The following KIR3DL2 variants were observed in gnomAD, a reference collection of about 807,000 sequenced individuals.
KIR3DL2 encodes killer cell immunoglobulin like receptor, three Ig domains and long cytoplasmic tail 2.
KIR3DL2 carries 42 observed loss-of-function variants against 41.6 expected under a neutral mutation model. The observed-to-expected ratio is 1.01, with a 90% CI of 0.79 to 1.31. The LOEUF (loss-of-function observed/expected upper bound fraction) is 1.31. Among genes scored for constraint, KIR3DL2 ranks in the 50% most tolerant of loss-of-function variants. KIR3DL2 has a pLI of 0.00. For synonymous variants in KIR3DL2, 230 were observed against 221.3 expected, an observed-to-expected ratio of 1.04 and a Z score of -0.35; for missense variants, 728 against 576.8, an observed-to-expected ratio of 1.26 and a Z score of -2.68.
At chr19:54,851,383 C>A in intron 2 of KIR3DL2, 128 bp downstream of exon 2, 1 of 985,596 alleles carries the variant, frequency 1.0e-6, no homozygotes, top group Non-Finnish European at 1.5e-6. Context: ...ACTCGGCCCA[C>A]ATTTCTGACC....
rs1443579749 is a variant in KIR3DL2, at chr19:54,852,171, A to G, written c.244A>G (p.Met82Val). Residue 82 changes from methionine (M) to valine (V), a missense_variant, in exon 3 of 9, where the codon ATG becomes GTG. Coordinates refer to ENST00000326321, the MANE Select transcript of KIR3DL2 (RefSeq NM_006737.4). The part of the protein sequence containing the change: ...HGRIFQESFI[M>V]GPVTPAHAGT... ...CAGAATATTCCAGGAGAGCTTCATCATGGGCCCTGTGACCCCAGCACATGC... is the reference window on the plus strand; with the variant it reads ...CAGAATATTCCAGGAGAGCTTCATCGTGGGCCCTGTGACCCCAGCACATGC... 12 of 1,612,904 alleles carry G rather than the reference A, an allele frequency of 7.4e-6. No homozygotes were observed. Among genetic ancestry groups the G allele is most frequent in the Non-Finnish European group, 1.0e-5 (12 of 1,179,556 alleles).
chr19:54,860,794 G>A (rs1248420428), intron 6 of KIR3DL2, among the ~76,000 whole-genome samples: 1 of 136,286 alleles, frequency 7.3e-6, no homozygotes, highest in Non-Finnish European at 1.6e-5. Context: ...TGAAAGATTG[G>A]CGGAAGGATT....
chr19:54,865,163 T>C (rs1158863808), intron 6 of KIR3DL2, among the ~76,000 whole-genome samples: 3 of 152,078 alleles, frequency 2.0e-5, no homozygotes, highest in Non-Finnish European at 4.4e-5. Context: ...ATTACATTTA[T>C]TGATTTGCAT....
chr19:54,859,158 T>C, intron 6 of KIR3DL2, 29 bp downstream of exon 6: 1 of 1,600,162 alleles, frequency 6.2e-7, no homozygotes, highest in South Asian at 1.1e-5. Flanking sequence ...TTATCTCTGC[T>C]TTTGGAAACC....
intron 4 of KIR3DL2, 143 bp from the exon 5 acceptor site, chr19:54,855,476 A>G: frequency 1.6e-6 from 2 of 1,285,948 alleles, no homozygotes; most frequent in Admixed American, 4.8e-5. Context: ...AGGAGGAAAT[A>G]GACATGAAGA....
intron 6 of KIR3DL2, among the ~76,000 whole-genome samples, chr19:54,864,176 G>T (rs1415486456): frequency 6.6e-6 from 1 of 151,982 alleles, no homozygotes; most frequent in Non-Finnish European, 1.5e-5. Context: ...TAGATATGTG[G>T]CATTATTTCT....
At chr19:54,851,948 G>T in intron 2 of KIR3DL2, 50 bp from the exon 3 acceptor site, 1 of 1,590,262 alleles carries the variant, frequency 6.3e-7, no homozygotes, top group Non-Finnish European at 8.6e-7. Context: ...CAGGGAGGGA[G>T]GGGTGGCTCC....
rs2064532510 is a variant in KIR3DL2 at position 54,854,049 on chromosome 19, G to T, written c.655+3G>T. 2.5e-6 allele frequency: 4 copies of T among 1,612,278 alleles called. No individual in the cohort carries two copies. The highest frequency in any genetic ancestry group is 3.4e-6 in the Non-Finnish European group (4 of 1,179,146). ...CCCCCTGGACATCGTGATCACAGGT[G>T]AGAGTGTCCAGACATTCTTCTCATT... On this transcript the variant is annotated splice_donor_region_variant and intron_variant, in intron 4 of 8. Coordinates refer to ENST00000326321, the MANE Select transcript of KIR3DL2 (RefSeq NM_006737.4).
rs542476887 is a variant in KIR3DL2, at chr19:54,866,542, T to G, written c.1179T>G (p.Pro393=). Residue 393 remains proline, a synonymous_variant, in exon 9 of 9, where the codon CCT becomes CCG. Coordinates refer to ENST00000326321, the MANE Select transcript of KIR3DL2 (RefSeq NM_006737.4). The part of the protein sequence containing the change: ...VNRQDSDEQD[P]QEVTYAQLDH... ...TCCAGGACTCTGATGAACAAGACCC[T>G]CAGGAGGTGACGTACGCACAGTTGG... 1.7e-5 allele frequency: 28 copies of G among 1,613,974 alleles called. 1 individual carries two copies. The East Asian group carries it at 5.3e-4, about 31-fold the overall frequency.
rs752814322 is a variant in KIR3DL2 at position 54,866,561 on chromosome 19, C to G, written c.1198C>G (p.Gln400Glu). 6.2e-6 allele frequency: 10 copies of G among 1,614,036 alleles called. No homozygotes were observed. Among genetic ancestry groups the G allele is most frequent in the Non-Finnish European group, 8.5e-6 (10 of 1,179,990 alleles). The part of the protein sequence containing the change: ...EQDPQEVTYA[Q>E]LDHCVFIQRK... ...AGACCCTCAGGAGGTGACGTACGCA[C>G]AGTTGGATCACTGCGTTTTCATACA... The change falls in exon 9 of 9, where the codon CAG becomes GAG. Residue 400 changes from glutamine (Q) to glutamate (E), a missense_variant. Coordinates refer to ENST00000326321, the MANE Select transcript of KIR3DL2 (RefSeq NM_006737.4).
chr19:54,863,244 C>G (rs1292647395), intron 6 of KIR3DL2, among the ~76,000 whole-genome samples: 1 of 151,832 alleles, frequency 6.6e-6, no homozygotes, highest in East Asian at 1.9e-4. Context: ...TTTTCTTCAT[C>G]CAGTCTATCA....
Position 54,855,926 on chromosome 19 carries a change from G to T in KIR3DL2, c.949+14G>T, listed in dbSNP as rs1172651184. 2 of 1,612,434 alleles carry T rather than the reference G, an allele frequency of 1.2e-6. No homozygotes were observed. Among genetic ancestry groups the T allele is most frequent in the East Asian group, 2.2e-5 (1 of 44,868 alleles). ...TTTCTGTCACAGGTGAGGAAAACCC[G>T]TGTCTGTCCCATGTCTTATGATCCT... On this transcript the variant is annotated intron_variant, in intron 5 of 8. Transcript: ENST00000326321.
intron 7 of KIR3DL2, 25 bp downstream of exon 7, chr19:54,865,934 G>C (rs1321997555): frequency 6.3e-7 from 1 of 1,589,576 alleles, no homozygotes; most frequent in Non-Finnish European, 8.6e-7. Context: ...GCAGAGGCCA[G>C]AGAGCTCAGG....
chr19:54,851,171 G>A, intron 1 of KIR3DL2, 49 bp from the exon 2 acceptor site: 5 of 1,605,366 alleles, frequency 3.1e-6, no homozygotes, highest in Non-Finnish European at 3.4e-6. Context: ...GCAGCAGGGT[G>A]CCCTGGTTTG....
chr19:54,861,769 A>G (rs1349102359), intron 6 of KIR3DL2, among the ~76,000 whole-genome samples: 3 of 151,840 alleles, frequency 2.0e-5, no homozygotes, highest in South Asian at 2.1e-4. Flanking sequence ...TATCTTATCC[A>G]TTAGAAAATC....
intron 3 of KIR3DL2, 129 bp downstream of exon 3, chr19:54,852,411 A>G: frequency 7.9e-7 from 1 of 1,259,854 alleles, no homozygotes; most frequent in Non-Finnish European, 1.1e-6. Flanking sequence ...GATTGAATAC[A>G]GGGGAAATGG....
Position 54,851,990 on chromosome 19 carries a change from T to A in KIR3DL2, c.71-8T>A. The A allele has an allele frequency of 2.5e-6, 4 of 1,607,674 alleles. No individual in the cohort carries two copies. The highest frequency in any genetic ancestry group is 2.6e-6 in the Non-Finnish European group (3 of 1,176,472). On this transcript the variant is annotated splice_polypyrimidine_tract_variant and splice_region_variant and intron_variant, in intron 2 of 8. Coordinates refer to ENST00000326321, the MANE Select transcript of KIR3DL2 (RefSeq NM_006737.4). ...TCCTCTCTAAGGCAGTGCCTCCTTC[T>A]CCCCCAGGTGGTCAGGACAAACCCT...
intron 4 of KIR3DL2, among the ~76,000 whole-genome samples, chr19:54,854,841 A>T (rs2064608063): frequency 2.0e-5 from 3 of 151,800 alleles, no homozygotes; most frequent in Non-Finnish European, 4.4e-5. Context: ...GGGCACAAAG[A>T]CAGAGAAAGA....
At chr19:54,862,608 C>T (rs535834211) in intron 6 of KIR3DL2, among the ~76,000 whole-genome samples, 116 of 152,032 alleles carry the variant, frequency 7.6e-4, no homozygotes, top group African/African-American at 2.4e-3. Context: ...TGGGGGAAGC[C>T]AGAAAATAGC....
Sources: allele counts gnomAD v4.1 joint callset (sites outside exome capture counted in the v4.1 genomes callset), GRCh38; gene constraint gnomAD v4.1.1; transcripts MANE v1.5; gene names NCBI Gene and HGNC (gene_info 2026-07-23, HGNC 2026-07-21).